SPMIP2: variants seen among roughly 807,000 people sequenced by gnomAD.
SPMIP2 encodes the protein protein SPMIP2.
the SPMIP2 span, among the ~76,000 whole-genome samples, chr4:159,057,221 C>T: frequency 6.6e-6 from 1 of 152,160 alleles, no homozygotes; most frequent in East Asian, 1.9e-4. Context: ...CTTTAGAGGG[C>T]AAGGGGCCCA....
the SPMIP2 span, among the ~76,000 whole-genome samples, chr4:158,993,171 G>A: frequency 1.6e-4 from 25 of 151,946 alleles, no homozygotes; most frequent in African/African-American, 5.1e-4. Flanking sequence ...GACCAGCCTC[G>A]GCAACATAGT....
At chr4:158,942,423 G>T in the SPMIP2 span, among the ~76,000 whole-genome samples, 5 of 152,292 alleles carry the variant, frequency 3.3e-5, no homozygotes, top group South Asian at 8.3e-4. Flanking sequence ...GCACTCAGTT[G>T]TTAAACTGTG....
chr4:159,058,970 T>TA, the SPMIP2 span, among the ~76,000 whole-genome samples: 8 of 152,258 alleles, frequency 5.3e-5, no homozygotes, highest in African/African-American at 1.4e-4. Flanking sequence ...ATACAGTAGG[T>TA]AAAAAAATCT....
At chr4:158,910,924 C>G in the SPMIP2 span, among the ~76,000 whole-genome samples, 1 of 152,146 alleles carries the variant, frequency 6.6e-6, no homozygotes, top group African/African-American at 2.4e-5. Context: ...CTCTGGAGAA[C>G]CCTGACTGAT....
chr4:159,061,561 A>G, the SPMIP2 span, among the ~76,000 whole-genome samples: 2 of 152,126 alleles, frequency 1.3e-5, no homozygotes, highest in African/African-American at 4.8e-5. Context: ...TAATCCCAGC[A>G]CTTTGGGAGG....
At chr4:158,988,948 C>G in the SPMIP2 span, among the ~76,000 whole-genome samples, 1 of 152,162 alleles carries the variant, frequency 6.6e-6, no homozygotes, top group Non-Finnish European at 1.5e-5. Context: ...CTCAAATTGT[C>G]TGTTTGCAGA....
the SPMIP2 span, among the ~76,000 whole-genome samples, chr4:159,058,643 A>G: frequency 6.6e-6 from 1 of 152,190 alleles, no homozygotes; most frequent in South Asian, 2.1e-4. Flanking sequence ...GTATGGTTCT[A>G]TGACTATCAA....
At chr4:158,997,276 G>C in the SPMIP2 span, among the ~76,000 whole-genome samples, 1 of 150,276 alleles carries the variant, frequency 6.7e-6, no homozygotes, top group South Asian at 2.1e-4. Context: ...TGTTGCCCAG[G>C]CTGGAGTACA....
the SPMIP2 span, among the ~76,000 whole-genome samples, chr4:159,009,548 T>C: frequency 6.6e-6 from 1 of 152,206 alleles, no homozygotes; most frequent in African/African-American, 2.4e-5. Context: ...GACTCTGAAA[T>C]TGCAATTTAT....
At chr4:159,012,749 T>C in the SPMIP2 span, among the ~76,000 whole-genome samples, 1 of 151,952 alleles carries the variant, frequency 6.6e-6, no homozygotes, top group Non-Finnish European at 1.5e-5. Context: ...ATTTTTTTTA[T>C]TTTTGTAGAG....
At chr4:159,008,829 T>A in the SPMIP2 span, among the ~76,000 whole-genome samples, 1 of 152,252 alleles carries the variant, frequency 6.6e-6, no homozygotes, top group African/African-American at 2.4e-5. Flanking sequence ...CCATTCCTGT[T>A]AAGCCCTTTT....
At chr4:158,911,384 A>AAAT in the SPMIP2 span, among the ~76,000 whole-genome samples, 1,592 of 79,236 alleles carry the variant, frequency 0.02, 22 homozygotes, top group African/African-American at 0.079. Context: ...ATAAATAAAT[A>AAAT]AAATAAATAA....
At chr4:158,957,229 T>C in the SPMIP2 span, among the ~76,000 whole-genome samples, 2,325 of 152,302 alleles carry the variant, frequency 0.015, 36 homozygotes, top group Middle Eastern at 0.048. Flanking sequence ...TCTAATGAAT[T>C]TTCTTTGTTC....
chr4:158,963,975 G>A, the SPMIP2 span, among the ~76,000 whole-genome samples: 1 of 152,018 alleles, frequency 6.6e-6, no homozygotes, highest in East Asian at 1.9e-4. Context: ...CTGATACGGT[G>A]AAACCCCAGC....
the SPMIP2 span, among the ~76,000 whole-genome samples, chr4:159,041,425 T>C: frequency 6.6e-6 from 1 of 152,234 alleles, no homozygotes; most frequent in Non-Finnish European, 1.5e-5. Context: ...TCATATCTTA[T>C]AAATGCATGA....
chr4:159,044,368 C>CAAAAA, the SPMIP2 span, among the ~76,000 whole-genome samples: 1 of 100,304 alleles, frequency 1.0e-5, no homozygotes, highest in Admixed American at 1.1e-4. Context: ...GACTCCATCT[C>CAAAAA]AAAAAAAAAA....
the SPMIP2 span, among the ~76,000 whole-genome samples, chr4:158,953,870 G>A: frequency 6.9e-4 from 105 of 152,192 alleles, 2 homozygotes; most frequent in East Asian, 0.02. Context: ...TAACCTCTTC[G>A]TTTTGGCCAA....
chr4:159,035,761 T>C, the SPMIP2 span, among the ~76,000 whole-genome samples: 252 of 152,356 alleles, frequency 1.7e-3, 1 homozygote, highest in African/African-American at 5.7e-3. Context: ...TCCTGTAATG[T>C]TGCTATGCAA....
At chr4:159,081,758 T>C in the SPMIP2 span, among the ~76,000 whole-genome samples, 34 of 152,172 alleles carry the variant, frequency 2.2e-4, no homozygotes, top group Non-Finnish European at 4.3e-4. Context: ...TTTTATTCTA[T>C]TGCTTTAACA....
Sources: gnomAD v4.1 joint callset for allele counts (sites outside exome capture counted in the v4.1 genomes callset) on GRCh38, gnomAD v4.1.1 for gene constraint, MANE v1.5 for transcripts, NCBI Gene and HGNC (gene_info 2026-07-23, HGNC 2026-07-21) for gene names.